WDR17: variants seen among roughly 807,000 people sequenced by gnomAD.
WDR17 encodes the protein WD repeat-containing protein 17.
WDR17 carries 143 observed loss-of-function variants against 161.7 expected under a neutral mutation model. The ratio of observed to expected loss-of-function variants is 0.88; its 90% CI spans 0.77 to 1.02. The LOEUF (loss-of-function observed/expected upper bound fraction) is 1.02. Among genes scored for constraint, WDR17 ranks in the 50% least tolerant of loss-of-function variants. WDR17 has a pLI of 0.00. For synonymous variants in WDR17, 517 were observed against 515.6 expected, an observed-to-expected ratio of 1.00 and a Z score of -0.04; for missense variants, 1,469 against 1,520.9, an observed-to-expected ratio of 0.97 and a Z score of 0.57.
intron 1 of WDR17, among the ~76,000 whole-genome samples, chr4:176,069,354 T>C (rs1328978550): frequency 3.3e-5 from 5 of 152,098 alleles, no homozygotes; most frequent in Admixed American, 1.3e-4. Flanking sequence ...AATTCTACAT[T>C]CTAATTTAAA....
chr4:176,099,803 A>T (rs1737517392), intron 1 of WDR17, among the ~76,000 whole-genome samples: 1 of 151,524 alleles, frequency 6.6e-6, no homozygotes, highest in African/African-American at 2.4e-5. Flanking sequence ...ATGTGTACAC[A>T]TTTTTTTTAC....
At chr4:176,137,394 C>T (rs966093205) in intron 8 of WDR17, 126 bp from the exon 9 acceptor site, 36 of 661,822 alleles carry the variant, frequency 5.4e-5, no homozygotes, top group Non-Finnish European at 8.9e-5. Flanking sequence ...TTAATAATTT[C>T]AATTATAAAA....
intron 21 of WDR17, 117 bp from the exon 22 acceptor site, chr4:176,163,037 A>T: frequency 1.6e-6 from 2 of 1,263,742 alleles, no homozygotes; most frequent in East Asian, 5.0e-5. Context: ...TCAATATTTT[A>T]TAAGAATAAT....
chr4:176,108,437 A>G (rs910959918), intron 1 of WDR17, among the ~76,000 whole-genome samples: 2 of 152,174 alleles, frequency 1.3e-5, no homozygotes, highest in Non-Finnish European at 2.9e-5. Flanking sequence ...ATGAATAGGC[A>G]GAGCACAAAG....
chr4:176,103,975 C>A (rs181315145), intron 1 of WDR17, among the ~76,000 whole-genome samples: 39 of 152,048 alleles, frequency 2.6e-4, no homozygotes, highest in Non-Finnish European at 4.1e-4. Flanking sequence ...ACATCATAAT[C>A]AAATCTTGAA....
rs1324274824 is a variant in WDR17 at position 176,150,043 on chromosome 4, A to G, written c.2048A>G (p.Asp683Gly). ...RSWEEIIGNT[D>G]YAIEPGTPPL... The stretch of plus-strand genomic sequence containing the variant: ...TCACTGAATTATGTCTGTTCTTCAG[A>G]TTATGCTATAGAACCAGGCACTCCT... Residue 683 changes from aspartate to glycine, a missense_variant and splice_region_variant, in exon 15 of 29, where the codon GAT becomes GGT. Transcript: ENST00000508596. 1.9e-6 allele frequency: 3 copies of G among 1,613,420 alleles called. No homozygotes were observed. The highest frequency in any genetic ancestry group is 2.5e-6 in the Non-Finnish European group (3 of 1,179,886).
At chr4:176,096,426 A>T in intron 1 of WDR17, 1 of 989,790 alleles carries the variant, frequency 1.0e-6, no homozygotes, top group East Asian at 2.7e-5. Context: ...GATTTTGGTA[A>T]ATCTTGTTTG....
chr4:176,168,841 T>C, intron 23 of WDR17, 58 bp downstream of exon 23: 2 of 1,561,954 alleles, frequency 1.3e-6, no homozygotes, highest in South Asian at 1.2e-5. Context: ...TTTAATTAAT[T>C]GTAGGTTCAA....
intron 2 of WDR17, among the ~76,000 whole-genome samples, chr4:176,113,766 A>T (rs1185367926): frequency 6.6e-6 from 1 of 151,952 alleles, no homozygotes; most frequent in Non-Finnish European, 1.5e-5. Context: ...AATCGGTCAC[A>T]CTCTGGATAA....
intron 7 of WDR17, 33 bp downstream of exon 7, chr4:176,131,771 A>T (rs979873865): frequency 6.8e-7 from 1 of 1,472,830 alleles, no homozygotes. Context: ...ATTATACATA[A>T]TAGTTTTTTG....
At position 176,163,154 on chromosome 4, in the gene WDR17, C is replaced by T. The variant is rs1366868893; in HGVS notation, c.2851C>T (p.Leu951Phe). Residue 951 changes from leucine (L) to phenylalanine (F), a missense_variant and splice_region_variant, in exon 22 of 29, where the codon CTT (leucine) becomes TTT (phenylalanine). Physicochemically the swap from Leu to Phe is conservative, Grantham distance 22 (BLOSUM62 0). Coordinates refer to ENST00000508596, the MANE Select transcript of WDR17 (RefSeq NM_181265.4). Reference protein sequence around the residue: ...CCHLAIDNIELAMAYLIRGNE... With the variant: ...CCHLAIDNIEFAMAYLIRGNE... ...AGAAATTATTTTCTTATTGAGCAAGCTTGCTATGGCATACCTGATTCGCGG... is the reference window on the plus strand; with the variant it reads ...AGAAATTATTTTCTTATTGAGCAAGTTTGCTATGGCATACCTGATTCGCGG... The T allele has an allele frequency of 3.7e-6, 6 of 1,613,928 alleles. No homozygotes were observed. Among genetic ancestry groups the T allele is most frequent in the Admixed American group, 3.3e-5 (2 of 59,970 alleles).
intron 7 of WDR17, among the ~76,000 whole-genome samples, chr4:176,133,184 A>ATT (rs1313121933): frequency 0.025 from 1,908 of 75,720 alleles, 51 homozygotes; most frequent in African/African-American, 0.091. Context: ...TTTTATTTTT[A>ATT]TTTTTTTTTT....
chr4:176,141,596 C>T (rs1287705332), intron 10 of WDR17, among the ~76,000 whole-genome samples: 1 of 151,928 alleles, frequency 6.6e-6, no homozygotes, highest in Admixed American at 6.6e-5. Context: ...CGCCTGGCTA[C>T]TTTTTTTGTA....
At position 176,148,200 on chromosome 4, in the gene WDR17, G is replaced by A. The variant is rs1746501134; in HGVS notation, c.1762G>A (p.Val588Met). The change falls in exon 13 of 29, where the codon GTG (valine) becomes ATG (methionine). Residue 588 changes from valine (V) to methionine (M), a missense_variant. Physicochemically the swap from Val to Met is conservative, Grantham distance 21 (BLOSUM62 1). Coordinates refer to ENST00000508596, the MANE Select transcript of WDR17 (RefSeq NM_181265.4). ...TATTCTTAATGGACACACTGCACCTGTGAGAGGATTAATGTGGAATACTGA... is the reference window on the plus strand; with the variant it reads ...TATTCTTAATGGACACACTGCACCTATGAGAGGATTAATGTGGAATACTGA... The part of the protein sequence containing the change: ...INILNGHTAP[V>M]RGLMWNTEIP... 2 of 1,613,896 alleles carry A rather than the reference G, an allele frequency of 1.2e-6. No homozygotes were observed. The highest frequency in any genetic ancestry group is 8.5e-7 in the Non-Finnish European group (1 of 1,179,972).
chr4:176,149,769 T>C (rs750504195), intron 13 of WDR17, 38 bp from the exon 14 acceptor site: 7 of 1,598,544 alleles, frequency 4.4e-6, no homozygotes, highest in Non-Finnish European at 6.0e-6. Flanking sequence ...TATTTTTCAA[T>C]GTTCACTTTA....
intron 1 of WDR17, chr4:176,068,257 C>T (rs1401873814): frequency 2.0e-5 from 3 of 152,078 alleles, no homozygotes; most frequent in East Asian, 3.8e-4. Flanking sequence ...TCTTCCAGTA[C>T]GTCTTCAGGA....
At chr4:176,088,397 C>A (rs1456449344) in intron 1 of WDR17, among the ~76,000 whole-genome samples, 2 of 151,962 alleles carry the variant, frequency 1.3e-5, no homozygotes, top group Admixed American at 1.3e-4. Context: ...CCAGTCTGGG[C>A]AACATAGTGA....
chr4:176,102,358 C>A (rs1737957938), intron 1 of WDR17, among the ~76,000 whole-genome samples: 1 of 152,158 alleles, frequency 6.6e-6, no homozygotes, highest in Admixed American at 6.6e-5. Flanking sequence ...CAGATGCTGG[C>A]AAGGATGTGG....
chr4:176,141,936 GTATT>G, intron 10 of WDR17, 43 bp from the exon 11 acceptor site: 1 of 1,335,680 alleles, frequency 7.5e-7, no homozygotes. Flanking sequence ...CTTGAATAAT[GTATT>G]TAGAGTATTG....
Sources: gnomAD v4.1 joint callset for allele counts (sites outside exome capture counted in the v4.1 genomes callset) on GRCh38, gnomAD v4.1.1 for gene constraint, MANE v1.5 for transcripts, NCBI Gene and HGNC (gene_info 2026-07-23, HGNC 2026-07-21) for gene names.